Variants in DLG2 observed in about 807,000 individuals in gnomAD.
DLG2 encodes discs large MAGUK scaffold protein 2.
Under a neutral mutation model 132.5 loss-of-function variants are expected in DLG2, and 45 were observed. The ratio of observed to expected loss-of-function variants is 0.34; its 90% confidence interval spans 0.27 to 0.44. DLG2 has a LOEUF of 0.44. Among genes scored for constraint, DLG2 ranks in the 20% least tolerant of loss-of-function variants. DLG2 has a pLI of 1.00. For synonymous variants in DLG2, 424 were observed against 419.6 expected, an observed-to-expected ratio of 1.01 and a Z score of -0.13; for missense variants, 1,045 against 1,196.9, an observed-to-expected ratio of 0.87 and a Z score of 1.87.
intron 26 of DLG2, among the ~76,000 whole-genome samples, chr11:83,462,370 A>G (rs1186245354): frequency 6.6e-6 from 1 of 152,192 alleles, no homozygotes; most frequent in Non-Finnish European, 1.5e-5. Flanking sequence ...CCTGTTCTGC[A>G]GGGACCTAAT....
At chr11:84,981,908 A>G (rs981401875) in intron 6 of DLG2, among the ~76,000 whole-genome samples, 2 of 152,144 alleles carry the variant, frequency 1.3e-5, no homozygotes, top group African/African-American at 4.8e-5. Flanking sequence ...CTTTCCTGTC[A>G]CAAAATCCAA....
chr11:83,494,631 C>T (rs2094051046), intron 21 of DLG2, among the ~76,000 whole-genome samples: 1 of 151,196 alleles, frequency 6.6e-6, no homozygotes, highest in Admixed American at 6.6e-5. Flanking sequence ...GTCAACCTTG[C>T]CCCAGACTGC....
chr11:84,863,480 T>C (rs1458749827), intron 6 of DLG2, among the ~76,000 whole-genome samples: 1 of 152,170 alleles, frequency 6.6e-6, no homozygotes, highest in African/African-American at 2.4e-5. Context: ...ATTGATAACA[T>C]TGTGAAATTA....
At chr11:85,592,516 C>T (rs952875935) in intron 3 of DLG2, among the ~76,000 whole-genome samples, 6 of 152,120 alleles carry the variant, frequency 3.9e-5, no homozygotes, top group Non-Finnish European at 8.8e-5. Context: ...ATCAATGTAG[C>T]TTTATCCATA....
chr11:85,236,371 A>C (rs2075586216), intron 4 of DLG2, among the ~76,000 whole-genome samples: 1 of 151,940 alleles, frequency 6.6e-6, no homozygotes, highest in African/African-American at 2.4e-5. Context: ...GTGTGAGCTG[A>C]GTAGATTTCC....
intron 9 of DLG2, among the ~76,000 whole-genome samples, chr11:84,124,005 A>T (rs2094045064): frequency 6.6e-6 from 1 of 152,216 alleles, no homozygotes; most frequent in Admixed American, 6.5e-5. Flanking sequence ...GTTGAGAGCT[A>T]TTTTGCAATA....
intron 22 of DLG2, among the ~76,000 whole-genome samples, chr11:83,479,256 C>G (rs575129163): frequency 6.6e-6 from 1 of 152,040 alleles, no homozygotes; most frequent in Non-Finnish European, 1.5e-5. Flanking sequence ...TGCTGCTGCT[C>G]CTACTTGCCA....
intron 18 of DLG2, among the ~76,000 whole-genome samples, chr11:83,711,376 T>C (rs2085378529): frequency 6.6e-6 from 1 of 152,196 alleles, no homozygotes; most frequent in South Asian, 2.1e-4. Flanking sequence ...CTCTGTGGTA[T>C]CATTTGCTAC....
At chr11:84,574,793 T>C (rs1311379685) in intron 6 of DLG2, among the ~76,000 whole-genome samples, 1 of 152,198 alleles carries the variant, frequency 6.6e-6, no homozygotes, top group Non-Finnish European at 1.5e-5. Flanking sequence ...CTCTTGCTCC[T>C]TTGTTGCCTA....
chr11:83,478,628 A>C (rs1189997397), intron 22 of DLG2, among the ~76,000 whole-genome samples: 1 of 152,062 alleles, frequency 6.6e-6, no homozygotes, highest in African/African-American at 2.4e-5. Flanking sequence ...AGCCTTTAAA[A>C]TACTCTATAA....
At chr11:85,307,404 C>G (rs1305716544) in intron 3 of DLG2, among the ~76,000 whole-genome samples, 2 of 151,962 alleles carry the variant, frequency 1.3e-5, no homozygotes, top group Non-Finnish European at 2.9e-5. Flanking sequence ...AAATTGCTGC[C>G]TAGATTCTAA....
rs181033122 is a variant in DLG2, at chr11:84,874,993, C to A, written c.357+236668G>T. Among the ~76,000 whole-genome samples, 107 of 144,930 alleles carry A rather than the reference C, an allele frequency of 7.4e-4. 1 individual carries two copies. The East Asian group carries it at 0.018, about 25-fold the overall frequency. On this transcript the variant is annotated intron_variant, in intron 6 of 27. Transcript: ENST00000376104. ...CGAGATTGCACCACTGTACCCCAGC[C>A]TGGGCAACAGACCAATACTTCATCT... is the stretch of plus-strand genomic sequence containing the variant.
chr11:84,694,450 T>C (rs2058399560), intron 6 of DLG2, among the ~76,000 whole-genome samples: 1 of 151,658 alleles, frequency 6.6e-6, no homozygotes, highest in African/African-American at 2.4e-5. Flanking sequence ...ATTTCCACCT[T>C]ATCCATCTCA....
At chr11:84,305,418 T>A (rs1334209605) in intron 7 of DLG2, among the ~76,000 whole-genome samples, 1 of 152,200 alleles carries the variant, frequency 6.6e-6, no homozygotes, top group African/African-American at 2.4e-5. Flanking sequence ...GCAGACCATT[T>A]GTATTTGATA....
intron 18 of DLG2, among the ~76,000 whole-genome samples, chr11:83,720,294 GAAAAAAAAAAAAAAAAAAAA>G (rs10573464): frequency 6.6e-4 from 18 of 27,290 alleles, no homozygotes; most frequent in African/African-American, 2.6e-3. Flanking sequence ...CTCCATCTCA[GAAAAAAAAAAAAAAAAAAAA>G]AAAAAAAAAA....
intron 15 of DLG2, among the ~76,000 whole-genome samples, chr11:83,884,812 C>T (rs545826202): frequency 6.6e-6 from 1 of 152,318 alleles, no homozygotes; most frequent in East Asian, 1.9e-4. Context: ...TCTGCAGCCA[C>T]CGCTGCTGGT....
intron 6 of DLG2, among the ~76,000 whole-genome samples, chr11:84,670,251 T>C (rs1209277390): frequency 6.6e-6 from 1 of 152,156 alleles, no homozygotes; most frequent in Non-Finnish European, 1.5e-5. Context: ...ATGTCCATAT[T>C]CTCAGAGAGG....
intron 6 of DLG2, among the ~76,000 whole-genome samples, chr11:84,808,826 C>T (rs1943704): frequency 0.024 from 3,632 of 151,706 alleles, 157 homozygotes; most frequent in African/African-American, 0.084. Context: ...AATTCCCAAA[C>T]AAAAAAAGAA....
At chr11:84,636,851 G>C (rs919030202) in intron 6 of DLG2, among the ~76,000 whole-genome samples, 3 of 150,840 alleles carry the variant, frequency 2.0e-5, no homozygotes, top group African/African-American at 4.9e-5. Flanking sequence ...GCACGATTTT[G>C]GCACACCACA....
Sources: gnomAD v4.1 joint callset for allele counts (sites outside exome capture counted in the v4.1 genomes callset) on GRCh38, gnomAD v4.1.1 for gene constraint, MANE v1.5 for transcripts, NCBI Gene and HGNC (gene_info 2026-07-23, HGNC 2026-07-21) for gene names.